Variants in HDAC8 observed in about 807,000 individuals in gnomAD.
The protein encoded by HDAC8 is histone deacetylase-like 1.
Under a neutral mutation model 32.2 loss-of-function variants are expected in HDAC8, and 1 was observed. The observed-to-expected ratio is 0.03, with a 90% confidence interval of 0.01 to 0.15. The LOEUF (loss-of-function observed/expected upper bound fraction) is 0.15, where lower values mean the gene tolerates loss of function less well. HDAC8 is among the 10% of genes least tolerant of loss of function. HDAC8 has a pLI of 1.00. For missense variants in HDAC8, 117 were observed against 300.0 expected, an observed-to-expected ratio of 0.39 and a Z score of 4.51; for synonymous variants, 108 against 113.9, an observed-to-expected ratio of 0.95 and a Z score of 0.33.
At chrX:72,526,069 A>C (rs2050144533) in intron 4 of HDAC8, among the ~76,000 whole-genome samples, 1 of 110,193 alleles carries the variant, frequency 9.1e-6, no homozygotes, top group African/African-American at 3.3e-5. Flanking sequence ...TTGCCTCTTT[A>C]AAAAACTCTT....
intron 9 of HDAC8, among the ~76,000 whole-genome samples, chrX:72,442,602 C>A (rs1245940147): frequency 1.8e-5 from 2 of 111,834 alleles, no homozygotes; most frequent in Non-Finnish European, 1.9e-5. Flanking sequence ...TAAAGATCAT[C>A]AAGGCTAGGA....
At chrX:72,355,943 T>C (rs1350838178) in intron 9 of HDAC8, among the ~76,000 whole-genome samples, 2 of 112,247 alleles carry the variant, frequency 1.8e-5, no homozygotes, top group Non-Finnish European at 3.8e-5. Flanking sequence ...GGAGGGATTA[T>C]TATAGAGCAG....
intron 10 of HDAC8, among the ~76,000 whole-genome samples, chrX:72,339,189 T>C (rs1555944132): frequency 9.0e-6 from 1 of 111,490 alleles, no homozygotes; most frequent in Non-Finnish European, 1.9e-5. Context: ...TTAGATGGTA[T>C]GCACCCCCGC....
At chrX:72,335,550 T>G (rs1273016012) in intron 10 of HDAC8, among the ~76,000 whole-genome samples, 1 of 112,179 alleles carries the variant, frequency 8.9e-6, no homozygotes, top group African/African-American at 3.2e-5. Flanking sequence ...GGTTTATCCA[T>G]TCACCTATTG....
At chrX:72,561,847 ATCCCACT>A in intron 4 of HDAC8, among the ~76,000 whole-genome samples, 1 of 111,757 alleles carries the variant, frequency 8.9e-6, no homozygotes, top group South Asian at 3.8e-4. Flanking sequence ...AAAGCAAATA[ATCCCACT>A]AAAAAGTGAG....
At chrX:72,519,244 A>G (rs1395933106) in intron 4 of HDAC8, among the ~76,000 whole-genome samples, 3 of 112,398 alleles carry the variant, frequency 2.7e-5, no homozygotes, top group Admixed American at 9.4e-5. Flanking sequence ...CTTTTTGGCT[A>G]TAATGAATAG....
At chrX:72,398,591 G>A (rs898557090) in intron 9 of HDAC8, among the ~76,000 whole-genome samples, 2 of 108,532 alleles carry the variant, frequency 1.8e-5, no homozygotes, top group Non-Finnish European at 3.8e-5. Flanking sequence ...TGCCTCGACC[G>A]AGATCTCTAA....
intron 4 of HDAC8, among the ~76,000 whole-genome samples, chrX:72,559,900 A>G (rs868978130): frequency 9.4e-6 from 1 of 106,628 alleles, no homozygotes; most frequent in Non-Finnish European, 1.9e-5. Flanking sequence ...AGGGAGGTGG[A>G]GGGCAGCCCC....
At chrX:72,417,970 A>G (rs2046390980) in intron 9 of HDAC8, among the ~76,000 whole-genome samples, 2 of 112,182 alleles carry the variant, frequency 1.8e-5, no homozygotes, top group Admixed American at 1.9e-4. Context: ...CAATGGGGAA[A>G]GCATATCTTA....
chrX:72,543,503 T>C (rs1386541371), intron 4 of HDAC8, among the ~76,000 whole-genome samples: 9 of 111,456 alleles, frequency 8.1e-5, no homozygotes, highest in Non-Finnish European at 1.7e-4. Context: ...AATCACTGAT[T>C]TGAAGGTGTT....
chrX:72,404,494 CT>C (rs1300192901), intron 9 of HDAC8, among the ~76,000 whole-genome samples: 5 of 110,005 alleles, frequency 4.5e-5, no homozygotes, highest in East Asian at 2.8e-4. Context: ...ACATGCTTAA[CT>C]TTTTTTTTCT....
At chrX:72,449,729 A>C (rs2047522736) in intron 9 of HDAC8, among the ~76,000 whole-genome samples, 1 of 111,566 alleles carries the variant, frequency 9.0e-6, no homozygotes, top group South Asian at 3.8e-4. Context: ...ACACAATCCA[A>C]TTATATCCTG....
intron 4 of HDAC8, among the ~76,000 whole-genome samples, chrX:72,538,382 C>G (rs1556040678): frequency 1.8e-5 from 2 of 109,905 alleles, no homozygotes; most frequent in African/African-American, 6.6e-5. Context: ...CGGGGTTTTG[C>G]CATGTTGGCC....
At chrX:72,354,355 C>T (rs1186837900) in intron 9 of HDAC8, among the ~76,000 whole-genome samples, 7 of 112,350 alleles carry the variant, frequency 6.2e-5, no homozygotes, top group Admixed American at 4.7e-4. Context: ...TGTTGTGAGC[C>T]AGTTCTACAT....
intron 4 of HDAC8, among the ~76,000 whole-genome samples, chrX:72,566,431 G>C (rs1391971116): frequency 3.6e-5 from 4 of 112,614 alleles, no homozygotes; most frequent in African/African-American, 1.3e-4. Context: ...CTAAAACATT[G>C]GTTTCCTTTG....
Position 72,436,451 on chromosome X carries a change from C to G in HDAC8, c.1005+25553G>C, listed in dbSNP as rs781806698. Among the ~76,000 whole-genome samples the G allele has an allele frequency of 4.5e-5, 5 of 111,362 alleles. No homozygotes were observed. In the East Asian group the frequency reaches 1.4e-3, roughly 31 times the overall value. On this transcript the variant is annotated intron_variant, in intron 9 of 10. Transcript: ENST00000373573. ...GAAAGAAAAGAATTGTCAGTCCAGA[C>G]AATTCTATACCCAATTCTATACCCA...
chrX:72,338,466 G>C (rs781790413), intron 10 of HDAC8, among the ~76,000 whole-genome samples: 4 of 109,561 alleles, frequency 3.7e-5, no homozygotes, highest in South Asian at 3.9e-4. Flanking sequence ...CATCACAGCA[G>C]TTTGGAGGGA....
chrX:72,515,743 T>C (rs1320098089), intron 4 of HDAC8, among the ~76,000 whole-genome samples: 4 of 111,493 alleles, frequency 3.6e-5, no homozygotes, highest in Non-Finnish European at 7.5e-5. Context: ...GATAGGTCAG[T>C]CCAGTGAAAG....
At chrX:72,537,966 ATT>A (rs2050583146) in intron 4 of HDAC8, among the ~76,000 whole-genome samples, 1 of 111,860 alleles carries the variant, frequency 8.9e-6, no homozygotes. Context: ...GCTTACTAGC[ATT>A]CCAACTAAAT....
Sources: gnomAD v4.1 joint callset for allele counts (sites outside exome capture counted in the v4.1 genomes callset) on GRCh38, gnomAD v4.1.1 for gene constraint, MANE v1.5 for transcripts, NCBI Gene and HGNC (gene_info 2026-07-23, HGNC 2026-07-21) for gene names.